The following NOL11 variants were observed in gnomAD, a reference collection of about 807,000 sequenced individuals.
NOL11 encodes the protein nucleolar protein 11.
In NOL11, 42 loss-of-function variants were observed where a neutral mutation model predicts 93.0. The ratio of observed to expected loss-of-function variants is 0.45; its 90% CI spans 0.35 to 0.58. NOL11 has a LOEUF of 0.58. Among genes scored for constraint, NOL11 ranks in the 20% least tolerant of loss-of-function variants. NOL11 has a pLI of 0.00. For synonymous variants in NOL11, 296 were observed against 293.7 expected (o/e 1.01, Z -0.08); for missense variants, 775 against 841.8 (o/e 0.92, Z 0.98).
intron 8 of NOL11, among the ~76,000 whole-genome samples, chr17:67,735,145 C>T (rs895718112): frequency 2.0e-5 from 3 of 152,120 alleles, no homozygotes; most frequent in African/African-American, 4.8e-5. Flanking sequence ...ACAGACTGTG[C>T]ACTTCCTGAG....
At chr17:67,727,343 T>G (rs1885423897) in intron 7 of NOL11, among the ~76,000 whole-genome samples, 2 of 152,228 alleles carry the variant, frequency 1.3e-5, no homozygotes, top group African/African-American at 2.4e-5. Flanking sequence ...CATCCTCACC[T>G]GTGTACTTTG....
chr17:67,724,478 C>T (rs1053037102), intron 6 of NOL11, among the ~76,000 whole-genome samples: 1 of 151,984 alleles, frequency 6.6e-6, no homozygotes, highest in Non-Finnish European at 1.5e-5. Flanking sequence ...GGATTACAGG[C>T]GCCCACCCCC....
chr17:67,718,186 G>C, intron 1 of NOL11, 98 bp downstream of exon 1: 2 of 1,519,848 alleles, frequency 1.3e-6, no homozygotes, highest in Middle Eastern at 1.8e-4. Flanking sequence ...GAAAGAGATC[G>C]TGGAGAAGGC....
intron 7 of NOL11, among the ~76,000 whole-genome samples, chr17:67,730,120 T>G (rs1048864675): frequency 6.6e-6 from 1 of 152,210 alleles, no homozygotes; most frequent in Non-Finnish European, 1.5e-5. Context: ...AATATTCCAT[T>G]GTATATATAT....
chr17:67,734,571 G>A (rs1385492098), intron 8 of NOL11, 132 bp downstream of exon 8: 2 of 610,452 alleles, frequency 3.3e-6, no homozygotes, highest in East Asian at 5.7e-5. Flanking sequence ...TGATCCTCCT[G>A]CTTCAGAAAT....
At chr17:67,739,473 T>C (rs758914702) in intron 15 of NOL11, 43 bp from the exon 16 acceptor site, 1 of 1,252,834 alleles carries the variant, frequency 8.0e-7, no homozygotes. Context: ...ATAGAAATTT[T>C]TTCTATCAAA....
At position 67,739,575 on chromosome 17, in the gene NOL11, T is replaced by C; in HGVS notation, c.1902T>C (p.Thr634=). Residue 634 remains threonine (T), a synonymous_variant, in exon 16 of 18, where the codon ACT becomes ACC. Transcript: ENST00000253247. The part of the protein sequence containing the change: ...YLKCSENATM[T]LPGIHPPTLN... ...AGTGTAGCGAAAATGCTACTATGAC[T>C]CTTCCTGGAATACACCCACCTACCT... 1.2e-6 allele frequency: 2 copies of C among 1,601,706 alleles called. No homozygotes were observed. Among genetic ancestry groups the C allele is most frequent in the African/African-American group, 1.3e-5 (1 of 74,416 alleles).
At chr17:67,727,996 C>T (rs1365043615) in intron 7 of NOL11, among the ~76,000 whole-genome samples, 1 of 150,970 alleles carries the variant, frequency 6.6e-6, no homozygotes, top group East Asian at 1.9e-4. Flanking sequence ...CACAGTAGCT[C>T]ATGCCTGTAA....
chr17:67,736,092 C>G, intron 9 of NOL11, 69 bp downstream of exon 9: 1 of 1,334,316 alleles, frequency 7.5e-7, no homozygotes. Context: ...CGTACAGATT[C>G]CCACAGCCTT....
intron 5 of NOL11, 70 bp downstream of exon 5, chr17:67,722,707 C>G: frequency 6.7e-7 from 1 of 1,501,806 alleles, no homozygotes; most frequent in Non-Finnish European, 8.8e-7. Flanking sequence ...TATTTAGAGA[C>G]AGGGTGTTGC....
intron 10 of NOL11, 65 bp downstream of exon 10, chr17:67,736,819 AT>A: frequency 1.7e-6 from 2 of 1,164,360 alleles, no homozygotes; most frequent in South Asian, 2.6e-5. Context: ...AGACTGAATT[AT>A]TTTAATGAAT....
chr17:67,735,500 A>C (rs1174043120), intron 8 of NOL11, among the ~76,000 whole-genome samples: 5 of 150,484 alleles, frequency 3.3e-5, no homozygotes, highest in Admixed American at 3.3e-4. Context: ...TTTTCCACAT[A>C]CCTGTCTTAT....
chr17:67,732,740 A>G (rs2055165942), intron 7 of NOL11, among the ~76,000 whole-genome samples: 1 of 150,724 alleles, frequency 6.6e-6, no homozygotes, highest in Non-Finnish European at 1.5e-5. Context: ...TGCCTGGCTA[A>G]TTTTTTATAT....
intron 11 of NOL11, 137 bp downstream of exon 11, chr17:67,737,282 G>C (rs2055211229): frequency 1.5e-6 from 1 of 688,886 alleles, no homozygotes; most frequent in Non-Finnish European, 2.5e-6. Flanking sequence ...AAGGGTGTCA[G>C]AGTTGATCCG....
At position 67,729,221 on chromosome 17, in the gene NOL11, A is replaced by C. The variant is rs915709634; in HGVS notation, c.853+2573A>C. ...GCGATTCTCCTGCCTCAGGCTCCCA[A>C]GTAACTGGGATTACAGGCATGTGCC... On this transcript the variant is annotated intron_variant, in intron 7 of 17. Transcript: ENST00000253247. Among the ~76,000 whole-genome samples the C allele has an allele frequency of 4.6e-5, 7 of 152,036 alleles. No homozygotes were observed. The South Asian group carries it at 1.5e-3, about 32-fold the overall frequency.
rs1230850869 is a variant in NOL11 at position 67,736,798 on chromosome 17, A to G, written c.1143+44A>G. 3 of 1,314,070 alleles carry G rather than the reference A, an allele frequency of 2.3e-6. No individual in the cohort carries two copies. In the South Asian group the frequency reaches 3.7e-5, roughly 16 times the overall value. 81.4% of individuals were successfully genotyped at this position (1,314,070 alleles called of 1,614,324 possible). ...ATTGAAACATTAGTGCAAATGTTGAAAAACAGAAAAAGACTGAATTATTTT... is the reference window on the plus strand; with the variant it reads ...ATTGAAACATTAGTGCAAATGTTGAGAAACAGAAAAAGACTGAATTATTTT... On this transcript the variant is annotated intron_variant, in intron 10 of 17. Transcript: ENST00000253247.
chr17:67,719,893 G>A lies in NOL11; in HGVS notation c.256-13G>A. The A allele has an allele frequency of 6.4e-7, 1 of 1,558,682 alleles. No homozygotes were observed. The highest frequency in any genetic ancestry group is 8.7e-7 in the Non-Finnish European group (1 of 1,142,980). ...GAATAGGATAGTTTTTAACTAGTAT[G>A]TTTTGATTTAAGGTTTTAAGAATAT... On this transcript the variant is annotated splice_polypyrimidine_tract_variant and intron_variant, in intron 2 of 17. Transcript: ENST00000253247.
At position 67,721,358 on chromosome 17, in the gene NOL11, A is replaced by G; in HGVS notation, c.313-20A>G. 3 of 1,486,094 alleles carry G rather than the reference A, an allele frequency of 2.0e-6. No homozygotes were observed. The highest frequency in any genetic ancestry group is 2.7e-6 in the Non-Finnish European group (3 of 1,113,242). The allele number at this position is 1,486,094 out of a possible 1,614,324, so 92.1% of individuals were successfully genotyped here. On this transcript the variant is annotated intron_variant, in intron 3 of 17. Coordinates refer to ENST00000253247, the MANE Select transcript of NOL11 (RefSeq NM_015462.5). ...TAAATTGTTTTAGAATAAAAATTAA[A>G]ATTTTTTATGTTCTTCCAGTTGTCA...
chr17:67,734,921 A>G (rs1057020101), intron 8 of NOL11, among the ~76,000 whole-genome samples: 1 of 152,208 alleles, frequency 6.6e-6, no homozygotes, highest in African/African-American at 2.4e-5. Flanking sequence ...ATCACTTCCA[A>G]AATTCTAAAT....
Sources: gnomAD v4.1 joint callset for allele counts (sites outside exome capture counted in the v4.1 genomes callset) on GRCh38, gnomAD v4.1.1 for gene constraint, MANE v1.5 for transcripts, NCBI Gene and HGNC (gene_info 2026-07-23, HGNC 2026-07-21) for gene names.